Variants in DIAPH3 observed in about 807,000 individuals in gnomAD.
DIAPH3 encodes diaphanous related formin 3, also known as protein diaphanous homolog 3.
A neutral mutation model predicts 144.3 loss-of-function variants in DIAPH3; 117 were observed. The observed-to-expected ratio is 0.81, with a 90% confidence interval of 0.70 to 0.95. DIAPH3 has a LOEUF of 0.95. Among genes scored for constraint, DIAPH3 ranks in the 40% least tolerant of loss-of-function variants. DIAPH3 has a pLI of 0.00. For missense variants in DIAPH3, 1,421 were observed against 1,412.7 expected (o/e 1.01, Z -0.09); for synonymous variants, 519 against 488.9 (o/e 1.06, Z -0.81).
Position 59,859,809 on chromosome 13 carries a change from C to T in DIAPH3, c.2737+1598G>A, listed in dbSNP as rs373958641. On this transcript the variant is annotated intron_variant, in intron 22 of 27. Coordinates refer to ENST00000400324, the MANE Select transcript of DIAPH3 (RefSeq NM_001042517.2). ...TGTTTACAACCCATTCAGTTCAATG[C>T]CCTTTTGCCCTATCTCAGGTGATTT... Among the ~76,000 whole-genome samples, 8 of 152,228 alleles carry T rather than the reference C, an allele frequency of 5.3e-5. No individual in the cohort carries two copies. The South Asian group carries it at 1.2e-3, about 24-fold the overall frequency.
chr13:59,901,109 T>C (rs957871967), intron 20 of DIAPH3, among the ~76,000 whole-genome samples: 2 of 152,240 alleles, frequency 1.3e-5, no homozygotes, highest in African/African-American at 4.8e-5. Context: ...GCTTTAATTA[T>C]ATTCCTCACC....
intron 25 of DIAPH3, among the ~76,000 whole-genome samples, chr13:59,797,845 T>C (rs1279844618): frequency 6.6e-6 from 1 of 152,184 alleles, no homozygotes. Context: ...TCTCGGTTAA[T>C]CTAGCTACAA....
intron 27 of DIAPH3, among the ~76,000 whole-genome samples, chr13:59,727,576 C>CAT (rs1455360291): frequency 6.6e-6 from 1 of 152,110 alleles, no homozygotes; most frequent in African/African-American, 2.4e-5. Flanking sequence ...TATGTGTATA[C>CAT]ATATATATAA....
At chr13:60,156,579 A>G (rs1400215388) in intron 1 of DIAPH3, among the ~76,000 whole-genome samples, 1 of 152,068 alleles carries the variant, frequency 6.6e-6, no homozygotes, top group African/African-American at 2.4e-5. Context: ...ATCTTCCTTC[A>G]GTATACATCT....
At chr13:59,715,943 A>G (rs1238938604) in intron 27 of DIAPH3, among the ~76,000 whole-genome samples, 1 of 152,134 alleles carries the variant, frequency 6.6e-6, no homozygotes, top group Admixed American at 6.5e-5. Flanking sequence ...TCCTTTACAG[A>G]AAGATGAAAG....
At chr13:59,921,143 A>T (rs1301499109) in intron 18 of DIAPH3, among the ~76,000 whole-genome samples, 2 of 151,334 alleles carry the variant, frequency 1.3e-5, no homozygotes, top group African/African-American at 4.8e-5. Context: ...TAAAAAAAAA[A>T]AAATCTCAAA....
chr13:59,728,000 A>T (rs969400944), intron 27 of DIAPH3, among the ~76,000 whole-genome samples: 1 of 152,060 alleles, frequency 6.6e-6, no homozygotes, highest in South Asian at 2.1e-4. Flanking sequence ...AGATAAATTT[A>T]AAAATGCCTA....
At chr13:59,682,691 A>G (rs2033008518) in intron 27 of DIAPH3, among the ~76,000 whole-genome samples, 1 of 152,212 alleles carries the variant, frequency 6.6e-6, no homozygotes, top group Non-Finnish European at 1.5e-5. Flanking sequence ...CTGTATAACA[A>G]GGAATACCCT....
At chr13:59,811,513 C>T (rs941864150) in intron 24 of DIAPH3, among the ~76,000 whole-genome samples, 6 of 151,818 alleles carry the variant, frequency 4.0e-5, no homozygotes, top group South Asian at 2.1e-4. Flanking sequence ...CCGAGGTGGG[C>T]GGATCATAAG....
At chr13:59,891,519 G>A (rs549114153) in intron 20 of DIAPH3, among the ~76,000 whole-genome samples, 6 of 151,422 alleles carry the variant, frequency 4.0e-5, no homozygotes, top group South Asian at 4.2e-4. Context: ...AATTTAGTGG[G>A]GAAGTGGGGA....
Position 59,788,230 on chromosome 13 carries a change from T to G in DIAPH3, c.3164-13407A>C, listed in dbSNP as rs527471198. On this transcript the variant is annotated intron_variant, in intron 25 of 27. Transcript: ENST00000400324. The stretch of plus-strand genomic sequence containing the variant: ...AAAAATTATGATAAATCAGTATTGG[T>G]GAAGGGTTGGGGAAGAGGTCACTTC... 2.6e-5 allele frequency among the ~76,000 whole-genome samples: 4 copies of G among 152,284 alleles called. No homozygotes were observed. In the South Asian group the frequency reaches 8.3e-4, roughly 32 times the overall value.
intron 27 of DIAPH3, among the ~76,000 whole-genome samples, chr13:59,670,727 C>G (rs994330821): frequency 2.0e-5 from 3 of 151,866 alleles, no homozygotes; most frequent in African/African-American, 4.8e-5. Context: ...GGACTACAGG[C>G]GCCCGCCACC....
Position 60,070,576 on chromosome 13 carries a change from C to T in DIAPH3, c.495+23052G>A, listed in dbSNP as rs79427264. Among the ~76,000 whole-genome samples, 1,185 of 152,208 alleles carry T rather than the reference C, an allele frequency of 7.8e-3. 8 individuals are homozygous for T. Among genetic ancestry groups the T allele is most frequent in the Non-Finnish European group, 0.011 (732 of 68,018 alleles). ...GGCCAAGGGAAGAAGGGAGAAAATGCCCTGGCATCGGACTTCATTCTGGTG... is the reference window on the plus strand; with the variant it reads ...GGCCAAGGGAAGAAGGGAGAAAATGTCCTGGCATCGGACTTCATTCTGGTG... On this transcript the variant is annotated intron_variant, in intron 4 of 27. Coordinates refer to ENST00000400324, the MANE Select transcript of DIAPH3 (RefSeq NM_001042517.2).
intron 9 of DIAPH3, among the ~76,000 whole-genome samples, chr13:60,006,430 A>G (rs2052880727): frequency 6.6e-6 from 1 of 152,194 alleles, no homozygotes; most frequent in Non-Finnish European, 1.5e-5. Context: ...AAATAATTAT[A>G]GATTCATAGA....
intron 17 of DIAPH3, among the ~76,000 whole-genome samples, chr13:59,968,532 C>G (rs892520641): frequency 6.6e-6 from 1 of 152,122 alleles, no homozygotes; most frequent in Non-Finnish European, 1.5e-5. Flanking sequence ...CACAAATTTA[C>G]TAGGGTGAGC....
At chr13:60,038,665 T>C (rs2055403946) in intron 5 of DIAPH3, among the ~76,000 whole-genome samples, 1 of 152,210 alleles carries the variant, frequency 6.6e-6, no homozygotes, top group Admixed American at 6.5e-5. Context: ...AAGATAACTT[T>C]ATGAGAAAAT....
At chr13:60,041,761 C>G (rs941887256) in intron 5 of DIAPH3, among the ~76,000 whole-genome samples, 1 of 151,864 alleles carries the variant, frequency 6.6e-6, no homozygotes, top group African/African-American at 2.4e-5. Flanking sequence ...CAATAAAAAC[C>G]CAAAACTGAT....
At chr13:59,822,548 C>T (rs1056037000) in intron 24 of DIAPH3, among the ~76,000 whole-genome samples, 1 of 152,042 alleles carries the variant, frequency 6.6e-6, no homozygotes. Context: ...TCAAGCGATT[C>T]CCCTGCCTCA....
At chr13:59,953,084 G>C (rs2049184522) in intron 17 of DIAPH3, among the ~76,000 whole-genome samples, 1 of 152,104 alleles carries the variant, frequency 6.6e-6, no homozygotes, top group Non-Finnish European at 1.5e-5. Context: ...GAGGACAAAG[G>C]AAAACATGGC....
Sources: allele counts gnomAD v4.1 joint callset (sites outside exome capture counted in the v4.1 genomes callset), GRCh38; gene constraint gnomAD v4.1.1; transcripts MANE v1.5; gene names NCBI Gene and HGNC (gene_info 2026-07-23, HGNC 2026-07-21).